Variants in SNX18 observed in about 807,000 individuals in gnomAD.
SNX18 encodes the protein sorting nexin-18.
A neutral mutation model predicts 48.7 loss-of-function variants in SNX18; 35 were observed. The observed-to-expected ratio is 0.72, with a 90% CI of 0.55 to 0.95. The LOEUF (loss-of-function observed/expected upper bound fraction) is 0.95, where lower values mean the gene tolerates loss of function less well. Among genes scored for constraint, SNX18 ranks in the 40% least tolerant of loss-of-function variants. The pLI is 0.00. For missense variants in SNX18, 824 were observed against 871.0 expected (o/e 0.95, Z 0.68); for synonymous variants, 492 against 384.7 (o/e 1.28, Z -3.26).
chr5:54,580,643 T>C, the SNX18 span, among the ~76,000 whole-genome samples: 4 of 152,152 alleles, frequency 2.6e-5, no homozygotes, highest in African/African-American at 9.7e-5. Context: ...TGTCTGCAAA[T>C]GACTAGTGCA....
chr5:54,548,282 A>G (rs1762605484), downstream of SNX18, among the ~76,000 whole-genome samples: 1 of 152,242 alleles, frequency 6.6e-6, no homozygotes, highest in Non-Finnish European at 1.5e-5. Context: ...GGGAGCTTAA[A>G]AACAAGGTGT....
At chr5:54,559,223 T>C in the SNX18 span, among the ~76,000 whole-genome samples, 1 of 152,172 alleles carries the variant, frequency 6.6e-6, no homozygotes, top group Non-Finnish European at 1.5e-5. Flanking sequence ...GATAAAACTA[T>C]TTTAAAATTC....
At chr5:54,561,737 G>A in the SNX18 span, among the ~76,000 whole-genome samples, 205 of 152,244 alleles carry the variant, frequency 1.3e-3, no homozygotes, top group Middle Eastern at 3.4e-3. Context: ...TATACATTAT[G>A]TGTACAACAG....
the SNX18 span, chr5:54,643,859 T>G: frequency 6.6e-6 from 1 of 152,216 alleles, no homozygotes; most frequent in African/African-American, 2.4e-5. Context: ...GGAATGTATA[T>G]TGCTTCTTGG....
the SNX18 span, among the ~76,000 whole-genome samples, chr5:54,596,445 A>G: frequency 6.6e-6 from 1 of 152,184 alleles, no homozygotes; most frequent in East Asian, 1.9e-4. Flanking sequence ...TTTGTTCAGC[A>G]TTCGCCTGCT....
At chr5:54,578,203 G>A in the SNX18 span, among the ~76,000 whole-genome samples, 4 of 152,102 alleles carry the variant, frequency 2.6e-5, no homozygotes, top group Non-Finnish European at 4.4e-5. Context: ...GAAAATGAAC[G>A]TGCCACTTAC....
At chr5:54,596,897 G>A in the SNX18 span, among the ~76,000 whole-genome samples, 1 of 152,148 alleles carries the variant, frequency 6.6e-6, no homozygotes, top group African/African-American at 2.4e-5. Flanking sequence ...CTGGTGACCA[G>A]AGAGGTCTCT....
At chr5:54,593,818 C>A in the SNX18 span, among the ~76,000 whole-genome samples, 50 of 152,246 alleles carry the variant, frequency 3.3e-4, no homozygotes, top group Admixed American at 7.8e-4. Flanking sequence ...GGTGTAGAAA[C>A]AATTGGATAT....
At chr5:54,618,443 T>C in the SNX18 span, among the ~76,000 whole-genome samples, 12 of 152,186 alleles carry the variant, frequency 7.9e-5, no homozygotes, top group African/African-American at 1.9e-4. Flanking sequence ...TCCCAGGTCA[T>C]GGTCTTTGGG....
chr5:54,631,251 A>G, the SNX18 span, among the ~76,000 whole-genome samples: 4 of 152,230 alleles, frequency 2.6e-5, no homozygotes, highest in African/African-American at 9.6e-5. Flanking sequence ...TAGTGCTGAG[A>G]AATCCTCTCT....
At chr5:54,590,335 G>A in the SNX18 span, among the ~76,000 whole-genome samples, 2 of 152,160 alleles carry the variant, frequency 1.3e-5, no homozygotes, top group East Asian at 1.9e-4. Flanking sequence ...TAGACGGGGG[G>A]CATTTCTAGT....
At chr5:54,525,184 T>C (rs1048569029) in intron 1 of SNX18, among the ~76,000 whole-genome samples, 1 of 152,230 alleles carries the variant, frequency 6.6e-6, no homozygotes, top group Admixed American at 6.5e-5. Context: ...GAGAATTAAA[T>C]GTTATAGTTC....
At chr5:54,536,303 C>T (rs1561120073) in intron 1 of SNX18, among the ~76,000 whole-genome samples, 2 of 152,068 alleles carry the variant, frequency 1.3e-5, no homozygotes, top group Non-Finnish European at 2.9e-5. Flanking sequence ...CATATGTATA[C>T]ATGCGCCATG....
the SNX18 span, among the ~76,000 whole-genome samples, chr5:54,554,878 A>G: frequency 5.3e-5 from 8 of 152,116 alleles, no homozygotes; most frequent in Non-Finnish European, 1.0e-4. Context: ...TCTAGTCCTG[A>G]GACTCTGGGC....
the SNX18 span, among the ~76,000 whole-genome samples, chr5:54,568,565 C>T: frequency 1.3e-5 from 2 of 152,130 alleles, no homozygotes; most frequent in African/African-American, 4.8e-5. Flanking sequence ...GGTGGTTGTT[C>T]GAGCTCTGGC....
At chr5:54,523,213 C>T (rs144245232) in intron 1 of SNX18, among the ~76,000 whole-genome samples, 2 of 151,950 alleles carry the variant, frequency 1.3e-5, no homozygotes, top group Non-Finnish European at 2.9e-5. Flanking sequence ...CCTTATCATG[C>T]CTGTCTGCAG....
the SNX18 span, among the ~76,000 whole-genome samples, chr5:54,571,098 T>C: frequency 1.3e-5 from 2 of 152,060 alleles, no homozygotes; most frequent in East Asian, 1.9e-4. Context: ...TGTCCCTTTA[T>C]GATTTCTGGA....
the SNX18 span, among the ~76,000 whole-genome samples, chr5:54,642,049 A>G: frequency 6.6e-6 from 1 of 152,220 alleles, no homozygotes; most frequent in African/African-American, 2.4e-5. Context: ...CCTGAGTACT[A>G]AGATTAGAAA....
At chr5:54,574,965 A>G in the SNX18 span, among the ~76,000 whole-genome samples, 1 of 152,200 alleles carries the variant, frequency 6.6e-6, no homozygotes, top group Non-Finnish European at 1.5e-5. Context: ...GATCTTAAGT[A>G]CAGCAGATCC....
Sources: gnomAD v4.1 joint callset for allele counts (sites outside exome capture counted in the v4.1 genomes callset) on GRCh38, gnomAD v4.1.1 for gene constraint, MANE v1.5 for transcripts, NCBI Gene and HGNC (gene_info 2026-07-23, HGNC 2026-07-21) for gene names.